The following PDXDC1 variants were observed in gnomAD, a reference collection of about 807,000 sequenced individuals.
The protein encoded by PDXDC1 is pyridoxal-dependent decarboxylase domain-containing protein 1.
A neutral mutation model predicts 100.1 loss-of-function variants in PDXDC1; 42 were observed. The observed-to-expected ratio is 0.42, with a 90% CI of 0.33 to 0.54. PDXDC1 has a LOEUF of 0.54. Ranked by LOEUF, PDXDC1 falls within the 20% of genes least tolerant of loss-of-function variation. The probability of loss-of-function intolerance (pLI) is 0.10; values close to 1 mark genes in which losing one functional copy is unlikely to be tolerated. For synonymous variants in PDXDC1, 260 were observed against 371.7 expected (o/e 0.70, Z 3.46); for missense variants, 636 against 979.2 (o/e 0.65, Z 4.68).
intron 16 of PDXDC1, chr16:15,104,658 G>GGTGGCT: frequency 1.3e-6 from 2 of 1,597,816 alleles, no homozygotes; most frequent in Non-Finnish European, 1.7e-6. Context: ...AGTTGGAGGA[G>GGTGGCT]GTGGCTGGTG....
chr16:15,036,124 C>T lies in PDXDC1; in HGVS notation c.2216C>T (p.Pro739Leu), dbSNP rs376795176. The part of the protein sequence containing the change: ...LEKVERLSSG[P>L]EQITLEASST... ...AAGGTGGAGCGCCTATCCAGTGGGCCGGAGCAGATCACCCTCGAGGCCAGC... is the reference window on the plus strand; with the variant it reads ...AAGGTGGAGCGCCTATCCAGTGGGCTGGAGCAGATCACCCTCGAGGCCAGC... Residue 739 changes from proline (P) to leucine (L), a missense_variant, in exon 23 of 23, where the codon CCG becomes CTG. Pro to Leu is a moderately conservative substitution (Grantham distance 98). This residue lies in a region of PDXDC1 where 452 missense variants were observed against 402.9 expected (regional missense o/e 1.12). Coordinates refer to ENST00000396410, the MANE Select transcript of PDXDC1 (RefSeq NM_015027.4). 49 of 1,613,984 alleles carry T rather than the reference C, an allele frequency of 3.0e-5. 1 individual carries two copies. The highest frequency in any genetic ancestry group is 1.6e-4 in the Middle Eastern group (1 of 6,084).
intron 20 of PDXDC1, 34 bp downstream of exon 20, chr16:15,034,412 C>G (rs770106038): frequency 6.2e-7 from 1 of 1,613,052 alleles, no homozygotes; most frequent in African/African-American, 1.3e-5. Flanking sequence ...GCTGGGGGAG[C>G]CGCCGTGAGG....
At chr16:15,052,451 C>T (rs2044331525) in intron 16 of PDXDC1, among the ~76,000 whole-genome samples, 1 of 152,182 alleles carries the variant, frequency 6.6e-6, no homozygotes, top group South Asian at 2.1e-4. Context: ...ATGTGACCCT[C>T]ACCCCTGCTG....
chr16:15,132,973 T>C, intron 16 of PDXDC1: 1 of 1,546,196 alleles, frequency 6.5e-7, no homozygotes, highest in Non-Finnish European at 8.8e-7. Context: ...ACGTGCTAGA[T>C]GCTGTGTGAT....
In PDXDC1 at chr16:15,073,954, A is replaced by G. The variant is rs572786505; in HGVS notation, c.1399+43898A>G. On this transcript the variant is annotated intron_variant, in intron 16 of 16. Coordinates refer to the PDXDC1 transcript ENST00000535621. The stretch of plus-strand genomic sequence containing the variant: ...AAATGTTTATCTTCAGCATCCATGT[A>G]AAGGGCAGATTATGAAACACTTGTG... 2.0e-5 allele frequency among the ~76,000 whole-genome samples: 3 copies of G among 152,312 alleles called. No homozygotes were observed. The East Asian group carries it at 5.8e-4, about 29-fold the overall frequency.
chr16:15,057,416 A>G (rs939321562), intron 16 of PDXDC1, among the ~76,000 whole-genome samples: 2 of 152,256 alleles, frequency 1.3e-5, no homozygotes, highest in African/African-American at 2.4e-5. Context: ...CACCTCCGTT[A>G]TAACAGATAC....
rs760425264 is a variant in PDXDC1, at chr16:15,008,761, A to G, written c.580-18A>G. Reference sequence around the variant, plus strand: ...GTGCAGAGAGCTTTCTTGTCAAGTCATATGTTTCTTCCTGCAGCTCGGCTT... The same window carrying G: ...GTGCAGAGAGCTTTCTTGTCAAGTCGTATGTTTCTTCCTGCAGCTCGGCTT... On this transcript the variant is annotated intron_variant, in intron 6 of 22. Coordinates refer to ENST00000396410, the MANE Select transcript of PDXDC1 (RefSeq NM_015027.4). 6 of 1,613,042 alleles carry G rather than the reference A, an allele frequency of 3.7e-6. No individual in the cohort carries two copies. The highest frequency in any genetic ancestry group is 2.7e-5 in the African/African-American group (2 of 74,928).
chr16:15,128,812 T>A (rs2047900904), intron 16 of PDXDC1, among the ~76,000 whole-genome samples: 1 of 151,198 alleles, frequency 6.6e-6, no homozygotes, highest in Admixed American at 6.6e-5. Flanking sequence ...ACAGTATTTT[T>A]TTTTTTTTTT....
intron 14 of PDXDC1, among the ~76,000 whole-genome samples, chr16:15,027,242 C>T (rs1430645299): frequency 6.6e-6 from 1 of 152,302 alleles, no homozygotes; most frequent in Non-Finnish European, 1.5e-5. Context: ...CCTCGCAGGG[C>T]ATGTGATGGG....
At chr16:15,122,150 TGA>T (rs1332418693) in intron 16 of PDXDC1, among the ~76,000 whole-genome samples, 1 of 151,858 alleles carries the variant, frequency 6.6e-6, no homozygotes, top group Non-Finnish European at 1.5e-5. Flanking sequence ...GGCGACAGAG[TGA>T]GACTCTGTCT....
chr16:15,017,929 GGATTAC>G (rs1191330843), intron 11 of PDXDC1, among the ~76,000 whole-genome samples: 1 of 152,186 alleles, frequency 6.6e-6, no homozygotes, highest in Non-Finnish European at 1.5e-5. Flanking sequence ...CAAGTAGCTG[GGATTAC>G]AGGCATGCGC....
At chr16:15,076,711 T>C in intron 16 of PDXDC1, 4 of 1,239,688 alleles carry the variant, frequency 3.2e-6, no homozygotes, top group Non-Finnish European at 2.4e-6. Flanking sequence ...TATGTTATTT[T>C]GGGATGGAAA....
At chr16:15,070,825 C>T (rs1314941205) in intron 16 of PDXDC1, among the ~76,000 whole-genome samples, 1 of 151,798 alleles carries the variant, frequency 6.6e-6, no homozygotes, top group Non-Finnish European at 1.5e-5. Context: ...AAATGACAAA[C>T]CTACAAAAAG....
chr16:15,025,955 C>T (rs1481753725), intron 13 of PDXDC1: 1 of 152,344 alleles, frequency 6.6e-6, no homozygotes, highest in Non-Finnish European at 1.5e-5. Flanking sequence ...CGTCTTCGGC[C>T]TGTCTTTAAT....
At chr16:15,052,963 C>G (rs2044356049) in intron 16 of PDXDC1, among the ~76,000 whole-genome samples, 1 of 152,134 alleles carries the variant, frequency 6.6e-6, no homozygotes, top group Non-Finnish European at 1.5e-5. Flanking sequence ...TTAAGAGTGA[C>G]TAAGGGAGGG....
chr16:15,066,541 G>A (rs1470923907), intron 16 of PDXDC1, among the ~76,000 whole-genome samples: 1 of 151,992 alleles, frequency 6.6e-6, no homozygotes, highest in South Asian at 2.1e-4. Flanking sequence ...GCTGAGGCAG[G>A]AGAACTGCAT....
At chr16:15,132,797 G>A (rs545788509) in intron 16 of PDXDC1, 22 of 1,269,262 alleles carry the variant, frequency 1.7e-5, no homozygotes, top group Middle Eastern at 2.6e-4. Context: ...CAGAGTCTCC[G>A]TGATGTTCTT....
intron 16 of PDXDC1, chr16:15,073,043 G>A (rs137876787): frequency 9.8e-5 from 158 of 1,612,788 alleles, no homozygotes; most frequent in Middle Eastern, 3.3e-4. Flanking sequence ...TTATCAGGTC[G>A]CGATATAGAT....
In PDXDC1 at chr16:15,038,251, A is replaced by G. The variant is rs2740; in HGVS notation, c.*1976A>G. ...GGTGGGCATTAGAGAAGCCAACCTT[A>G]CTGTCCCCTGCTGTGATAAAGATGT... On this transcript the variant is annotated 3_prime_UTR_variant, in exon 23 of 23. Transcript: ENST00000396410. The G allele has an allele frequency of 0.32, 456,859 of 1,441,238 alleles. 74,028 individuals are homozygous for G. The highest frequency in any genetic ancestry group is 0.49 in the Admixed American group (27,103 of 55,300). 89.3% of individuals were successfully genotyped at this position (1,441,238 alleles called of 1,614,324 possible).
Sources: gnomAD v4.1 joint callset for allele counts (sites outside exome capture counted in the v4.1 genomes callset) on GRCh38, gnomAD v4.1.1 for gene constraint, gnomAD v4.1.1 regional missense constraint, MANE v1.5 for transcripts, NCBI Gene and HGNC (gene_info 2026-07-23, HGNC 2026-07-21) for gene names.